KHDRBS2: variants seen among roughly 807,000 people sequenced by gnomAD.
KHDRBS2 encodes the protein KH RNA binding domain containing, signal transduction associated 2.
Under a neutral mutation model 44.3 loss-of-function variants are expected in KHDRBS2, and 26 were observed. That is an observed-to-expected ratio of 0.59 (90% confidence interval 0.43 to 0.81). KHDRBS2 has a LOEUF of 0.81. Ranked by LOEUF, KHDRBS2 falls within the 40% of genes least tolerant of loss-of-function variation. The pLI, the probability that KHDRBS2 is intolerant of heterozygous loss-of-function variation, is 0.00. For missense variants in KHDRBS2, 476 were observed against 433.1 expected (o/e 1.10, Z -0.88); for synonymous variants, 194 against 151.1 (o/e 1.28, Z -2.08).
chr6:61,907,629 A>G (rs1333458874), intron 4 of KHDRBS2, among the ~76,000 whole-genome samples: 1 of 152,120 alleles, frequency 6.6e-6, no homozygotes, highest in Non-Finnish European at 1.5e-5. Context: ...TTATATGGTT[A>G]TCCAGTTTTC....
chr6:61,553,982 T>C, the KHDRBS2 span, among the ~76,000 whole-genome samples: 1 of 152,186 alleles, frequency 6.6e-6, no homozygotes, highest in Non-Finnish European at 1.5e-5. Flanking sequence ...TTCTCTTGTC[T>C]GTGGGTGGAA....
intron 7 of KHDRBS2, among the ~76,000 whole-genome samples, chr6:61,709,936 A>G (rs552921035): frequency 2.0e-4 from 30 of 151,758 alleles, no homozygotes; most frequent in Admixed American, 1.8e-3. Context: ...ACTTTAATCT[A>G]GTTGACTTTG....
At chr6:62,067,983 T>A (rs546161527) in intron 2 of KHDRBS2, among the ~76,000 whole-genome samples, 49 of 151,746 alleles carry the variant, frequency 3.2e-4, no homozygotes, top group African/African-American at 1.1e-3. Flanking sequence ...TTGTGGCTAT[T>A]ATAATAATGT....
chr6:61,837,963 C>G (rs1792988139), intron 6 of KHDRBS2, among the ~76,000 whole-genome samples: 1 of 151,866 alleles, frequency 6.6e-6, no homozygotes, highest in African/African-American at 2.4e-5. Context: ...TAGCAGTTGA[C>G]AAAAAGATCC....
chr6:61,765,185 C>A (rs993847555), intron 6 of KHDRBS2, among the ~76,000 whole-genome samples: 3 of 152,016 alleles, frequency 2.0e-5, no homozygotes, highest in Non-Finnish European at 1.5e-5. Context: ...TCTATAATCC[C>A]AGCATTTCTA....
intron 1 of KHDRBS2, among the ~76,000 whole-genome samples, chr6:62,187,788 ATGCTG>A (rs1823747545): frequency 6.6e-6 from 1 of 152,034 alleles, no homozygotes; most frequent in Non-Finnish European, 1.5e-5. Context: ...AAAGTACACA[ATGCTG>A]TATTGTTAAT....
intron 3 of KHDRBS2, among the ~76,000 whole-genome samples, chr6:61,993,407 G>A (rs1776512976): frequency 6.6e-6 from 1 of 151,552 alleles, no homozygotes; most frequent in Admixed American, 6.6e-5. Context: ...AAAAATAATA[G>A]CTTAAAATAA....
At chr6:62,049,376 C>T (rs1277089037) in intron 2 of KHDRBS2, among the ~76,000 whole-genome samples, 3 of 151,554 alleles carry the variant, frequency 2.0e-5, no homozygotes, top group African/African-American at 7.3e-5. Context: ...ATTTTGAGAT[C>T]GATCATAGAA....
At chr6:61,987,249 T>C (rs1323458234) in intron 3 of KHDRBS2, among the ~76,000 whole-genome samples, 1 of 152,178 alleles carries the variant, frequency 6.6e-6, no homozygotes, top group Non-Finnish European at 1.5e-5. Context: ...AACAGTATTA[T>C]AGGAAGTATC....
At chr6:62,175,414 T>C (rs2150122036) in intron 2 of KHDRBS2, among the ~76,000 whole-genome samples, 1 of 151,692 alleles carries the variant, frequency 6.6e-6, no homozygotes, top group African/African-American at 2.4e-5. Context: ...AATGCAAATA[T>C]GTGGGCATGA....
At chr6:61,667,126 G>T in the KHDRBS2 span, among the ~76,000 whole-genome samples, 465 of 147,124 alleles carry the variant, frequency 3.2e-3, 5 homozygotes, top group African/African-American at 0.011. Context: ...TCCAATAGCC[G>T]CAAAGTACTT....
rs149867385 is a variant in KHDRBS2, at chr6:61,917,853, A to G, written c.484-16482T>C. Among the ~76,000 whole-genome samples the G allele has an allele frequency of 2.5e-3, 377 of 152,140 alleles. 3 individuals carry two copies. Among genetic ancestry groups the G allele is most frequent in the African/African-American group, 8.4e-3 (351 of 41,548 alleles). On this transcript the variant is annotated intron_variant, in intron 4 of 8. Coordinates refer to ENST00000281156, the MANE Select transcript of KHDRBS2 (RefSeq NM_152688.4). Reference sequence around the variant, plus strand: ...GATAAGAATATGATTTCAATAGCATAATGTTATGAAATATCGACCATTTCA... The same window carrying G: ...GATAAGAATATGATTTCAATAGCATGATGTTATGAAATATCGACCATTTCA...
chr6:61,936,150 T>C (rs1215447260), intron 4 of KHDRBS2, among the ~76,000 whole-genome samples: 1 of 152,090 alleles, frequency 6.6e-6, no homozygotes, highest in East Asian at 1.9e-4. Context: ...TATTGACACA[T>C]ATAAATATGG....
chr6:61,916,850 A>C (rs74356941), intron 4 of KHDRBS2, among the ~76,000 whole-genome samples: 1 of 151,774 alleles, frequency 6.6e-6, no homozygotes, highest in Non-Finnish European at 1.5e-5. Context: ...ATATGTCATT[A>C]GGGAATTTCA....
chr6:62,095,314 G>T (rs745796539), intron 2 of KHDRBS2, among the ~76,000 whole-genome samples: 12 of 151,798 alleles, frequency 7.9e-5, no homozygotes, highest in Non-Finnish European at 1.3e-4. Flanking sequence ...TCTCATCAAT[G>T]AAAGACTGCA....
chr6:61,817,258 T>G (rs1373376194), intron 6 of KHDRBS2, among the ~76,000 whole-genome samples: 6 of 149,854 alleles, frequency 4.0e-5, no homozygotes, highest in African/African-American at 1.3e-4. Context: ...AATGGTAAGA[T>G]GAAAATCACC....
chr6:61,648,859 G>A, the KHDRBS2 span, among the ~76,000 whole-genome samples: 1 of 151,886 alleles, frequency 6.6e-6, no homozygotes, highest in Non-Finnish European at 1.5e-5. Context: ...CTTATTTTTA[G>A]GCACTCTTCC....
chr6:62,042,479 C>T (rs1411111826), intron 3 of KHDRBS2, among the ~76,000 whole-genome samples: 1 of 152,038 alleles, frequency 6.6e-6, no homozygotes, highest in African/African-American at 2.4e-5. Flanking sequence ...GGATTATAAA[C>T]TGCTTTGGTG....
At chr6:61,610,202 G>A in the KHDRBS2 span, among the ~76,000 whole-genome samples, 5 of 57,472 alleles carry the variant, frequency 8.7e-5, no homozygotes, top group Admixed American at 8.8e-4. Flanking sequence ...AAAAAAAATT[G>A]AAAACAAAAC....
Sources: allele counts gnomAD v4.1 joint callset (sites outside exome capture counted in the v4.1 genomes callset), GRCh38; gene constraint gnomAD v4.1.1; transcripts MANE v1.5; gene names NCBI Gene and HGNC (gene_info 2026-07-23, HGNC 2026-07-21).